BNC2: variants seen among roughly 807,000 people sequenced by gnomAD.
BNC2 encodes zinc finger protein basonuclin-2.
Under a neutral mutation model 76.3 loss-of-function variants are expected in BNC2, and 20 were observed. The ratio of observed to expected loss-of-function variants is 0.26; its 90% CI spans 0.18 to 0.38. BNC2 has a LOEUF of 0.38. BNC2 is among the 10% of genes least tolerant of loss of function. The pLI, the probability that BNC2 is intolerant of heterozygous loss-of-function variation, is 1.00. For missense variants in BNC2, 1,382 were observed against 1,399.8 expected, an observed-to-expected ratio of 0.99 and a Z score of 0.20; for synonymous variants, 582 against 514.8, an observed-to-expected ratio of 1.13 and a Z score of -1.77.
chr9:16,664,068 T>A (rs894176333), intron 3 of BNC2, among the ~76,000 whole-genome samples: 5 of 152,188 alleles, frequency 3.3e-5, no homozygotes, highest in African/African-American at 4.8e-5. Context: ...TCCACCTTTA[T>A]CCTGCTTCTC....
chr9:16,564,782 C>G (rs1352744942), intron 4 of BNC2, among the ~76,000 whole-genome samples: 1 of 151,648 alleles, frequency 6.6e-6, no homozygotes, highest in Non-Finnish European at 1.5e-5. Flanking sequence ...TCCCACCACC[C>G]AAAACAATGA....
chr9:16,739,645 C>T (rs1824784406), intron 1 of BNC2, among the ~76,000 whole-genome samples: 3 of 152,088 alleles, frequency 2.0e-5, no homozygotes, highest in Non-Finnish European at 1.5e-5. Flanking sequence ...GCACTCCACC[C>T]TGGGCAACAA....
intron 3 of BNC2, among the ~76,000 whole-genome samples, chr9:16,598,744 C>G (rs929305282): frequency 1.3e-5 from 2 of 152,134 alleles, no homozygotes; most frequent in African/African-American, 4.8e-5. Flanking sequence ...CATACTGTAC[C>G]TGAAACCCAA....
chr9:16,463,926 T>C (rs1821646038), intron 5 of BNC2, among the ~76,000 whole-genome samples: 1 of 151,638 alleles, frequency 6.6e-6, no homozygotes, highest in Admixed American at 6.6e-5. Flanking sequence ...CGAAACCTTG[T>C]CTCTACTTAA....
chr9:16,773,962 T>C (rs1182895833), intron 1 of BNC2, among the ~76,000 whole-genome samples: 1 of 152,048 alleles, frequency 6.6e-6, no homozygotes, highest in Non-Finnish European at 1.5e-5. Flanking sequence ...AAATTGACAG[T>C]ATGTTTTTTT....
chr9:16,752,276 T>C (rs996630219), intron 1 of BNC2, among the ~76,000 whole-genome samples: 2 of 152,206 alleles, frequency 1.3e-5, no homozygotes, highest in African/African-American at 4.8e-5. Flanking sequence ...AATTAAAGGC[T>C]ACAATATTTG....
intron 5 of BNC2, among the ~76,000 whole-genome samples, chr9:16,473,789 C>G (rs1821872903): frequency 6.6e-6 from 1 of 152,192 alleles, no homozygotes; most frequent in South Asian, 2.1e-4. Flanking sequence ...AGGAGAATCA[C>G]TCGAACCCAG....
At chr9:16,474,487 G>A (rs1212257630) in intron 5 of BNC2, among the ~76,000 whole-genome samples, 2 of 152,138 alleles carry the variant, frequency 1.3e-5, no homozygotes, top group African/African-American at 4.8e-5. Flanking sequence ...AATAGAGGAG[G>A]TGACAAAGAG....
At chr9:16,515,791 G>A (rs1419382763) in intron 5 of BNC2, among the ~76,000 whole-genome samples, 3 of 147,404 alleles carry the variant, frequency 2.0e-5, no homozygotes, top group African/African-American at 5.0e-5. Context: ...ATAACCATAT[G>A]ACTTTCAATT....
intron 3 of BNC2, among the ~76,000 whole-genome samples, chr9:16,587,312 C>A (rs1819800602): frequency 6.6e-6 from 1 of 150,946 alleles, no homozygotes; most frequent in Non-Finnish European, 1.5e-5. Context: ...CTTTCAGGTT[C>A]AAGCAATCCT....
intron 1 of BNC2, among the ~76,000 whole-genome samples, chr9:16,839,596 G>A (rs141303671): frequency 1.5e-3 from 223 of 152,238 alleles, no homozygotes; most frequent in African/African-American, 5.1e-3. Context: ...AGCACGCTGC[G>A]CACTCTCTAG....
intron 5 of BNC2, among the ~76,000 whole-genome samples, chr9:16,518,408 T>C (rs1817502515): frequency 6.6e-6 from 1 of 152,020 alleles, no homozygotes; most frequent in African/African-American, 2.4e-5. Flanking sequence ...GCCAGTGTAA[T>C]AGGGCGAAAC....
intron 2 of BNC2, among the ~76,000 whole-genome samples, chr9:16,733,665 A>G (rs963963050): frequency 3.9e-5 from 6 of 152,122 alleles, no homozygotes; most frequent in African/African-American, 1.4e-4. Flanking sequence ...AGCTTGTAAG[A>G]TAAAGTTCTG....
chr9:16,784,994 A>G (rs1431184526), intron 1 of BNC2, among the ~76,000 whole-genome samples: 1 of 152,244 alleles, frequency 6.6e-6, no homozygotes. Context: ...GGACACTTAC[A>G]GAGGCTGATT....
chr9:16,461,578 T>A (rs1425961310), intron 5 of BNC2, among the ~76,000 whole-genome samples: 1 of 144,524 alleles, frequency 6.9e-6, no homozygotes, highest in East Asian at 2.0e-4. Context: ...TGCATTCCAA[T>A]GATCCAGGAC....
chr9:16,829,886 A>G (rs1586917804), intron 1 of BNC2, among the ~76,000 whole-genome samples: 1 of 152,238 alleles, frequency 6.6e-6, no homozygotes, highest in African/African-American at 2.4e-5. Context: ...AAGAAAATAG[A>G]AAACACTATA....
intron 5 of BNC2, among the ~76,000 whole-genome samples, chr9:16,467,382 C>T (rs1336082579): frequency 1.3e-5 from 2 of 150,442 alleles, no homozygotes; most frequent in Admixed American, 6.6e-5. Flanking sequence ...CACAGGCACA[C>T]GTATGTTTAT....
At chr9:16,614,933 A>C (rs1820654053) in intron 3 of BNC2, among the ~76,000 whole-genome samples, 1 of 127,530 alleles carries the variant, frequency 7.8e-6, no homozygotes, top group Non-Finnish European at 1.6e-5. Context: ...TCCAGCTTGG[A>C]TGACAGAGTG....
chr9:16,456,394 G>A (rs186620022), intron 5 of BNC2, among the ~76,000 whole-genome samples: 181 of 152,068 alleles, frequency 1.2e-3, no homozygotes, highest in Non-Finnish European at 2.1e-3. Flanking sequence ...TTTATGTGAG[G>A]TGAACACTTG....
Sources: allele counts gnomAD v4.1 joint callset (sites outside exome capture counted in the v4.1 genomes callset), GRCh38; gene constraint gnomAD v4.1.1; transcripts MANE v1.5; gene names NCBI Gene and HGNC (gene_info 2026-07-23, HGNC 2026-07-21).